TLE1: variants seen among roughly 807,000 people sequenced by gnomAD.
TLE1 encodes TLE family member 1, transcriptional corepressor.
Under a neutral mutation model 89.8 loss-of-function variants are expected in TLE1, and 21 were observed. That is an observed-to-expected ratio of 0.23 (90% CI 0.17 to 0.34). The LOEUF (loss-of-function observed/expected upper bound fraction) is 0.34. TLE1 is among the 10% of genes least tolerant of loss of function. The probability of loss-of-function intolerance (pLI) is 1.00; values close to 1 mark genes in which losing one functional copy is unlikely to be tolerated. For synonymous variants in TLE1, 447 were observed against 407.6 expected (o/e 1.10, Z -1.16); for missense variants, 795 against 1,031.2 (o/e 0.77, Z 3.14).
chr9:81,640,119 G>A (rs766655166), intron 6 of TLE1, among the ~76,000 whole-genome samples: 10 of 152,024 alleles, frequency 6.6e-5, no homozygotes, highest in Non-Finnish European at 1.3e-4. Flanking sequence ...CAATGCACAG[G>A]ACAGCCCTCA....
Position 81,688,448 on chromosome 9 carries a change from C to T in TLE1, c.-208G>A. The T allele has an allele frequency of 8.1e-6, 4 of 496,534 alleles. No homozygotes were observed. The highest frequency in any genetic ancestry group is 1.0e-5 in the Non-Finnish European group (3 of 291,196). The allele number at this position is 496,534 out of a possible 1,614,324, so 30.8% of individuals were successfully genotyped here. ...GCTCCCGTCGGTGCGGGCTCCGGCC[C>T]TCAGGGCCACATTAGTGGGCGCCCC... On this transcript the variant is annotated 5_prime_UTR_variant, in exon 1 of 20. Coordinates refer to ENST00000376499, the MANE Select transcript of TLE1 (RefSeq NM_005077.5).
intron 14 of TLE1, among the ~76,000 whole-genome samples, chr9:81,606,382 C>T (rs977881823): frequency 1.3e-5 from 2 of 152,144 alleles, no homozygotes; most frequent in Admixed American, 6.5e-5. Flanking sequence ...AAATGTCCAT[C>T]AATGATAGAC....
intron 6 of TLE1, among the ~76,000 whole-genome samples, chr9:81,634,646 A>C (rs1827147358): frequency 6.6e-6 from 1 of 152,176 alleles, no homozygotes; most frequent in Non-Finnish European, 1.5e-5. Flanking sequence ...ATCAGTAAGT[A>C]AACATGAGCT....
Position 81,634,271 on chromosome 9 carries a change from G to C in TLE1, c.403C>G (p.His135Asp). Residue 135 changes from histidine to aspartate, a missense_variant, in exon 7 of 20, where the codon CAT becomes GAT. Coordinates refer to ENST00000376499, the MANE Select transcript of TLE1 (RefSeq NM_005077.5). Reference sequence around the variant, plus strand: ...AGGGGAACTGGGGGTCCGTGGCCATGAGAAAGATGCTGAGCTTGCAACTGC... The same window carrying C: ...AGGGGAACTGGGGGTCCGTGGCCATCAGAAAGATGCTGAGCTTGCAACTGC... ...QQQLQAQHLS[H>D]GHGPPVPLTP... 6.4e-7 allele frequency: 1 copy of C among 1,552,442 alleles called. No individual in the cohort carries two copies. Among genetic ancestry groups the C allele is most frequent in the Non-Finnish European group, 8.8e-7 (1 of 1,142,706 alleles).
intron 16 of TLE1, among the ~76,000 whole-genome samples, chr9:81,590,409 T>C (rs1829315743): frequency 6.6e-6 from 1 of 152,242 alleles, no homozygotes; most frequent in Non-Finnish European, 1.5e-5. Context: ...GATTTTCTGT[T>C]ATCTTTTATC....
At chr9:81,684,655 G>C (rs574077764) in intron 4 of TLE1, among the ~76,000 whole-genome samples, 260 of 152,322 alleles carry the variant, frequency 1.7e-3, no homozygotes, top group Middle Eastern at 6.8e-3. Flanking sequence ...ACAAGGGTTT[G>C]AGATGAAATA....
chr9:81,635,172 G>T lies in TLE1; in HGVS notation c.373-871C>A, dbSNP rs935775691. Among the ~76,000 whole-genome samples, 5 of 152,154 alleles carry T rather than the reference G, an allele frequency of 3.3e-5. 1 individual carries two copies. The highest frequency in any genetic ancestry group is 3.3e-4 in the Admixed American group (5 of 15,276). ...GAGGATCTCAGGGAGCCAGGCTTGT[G>T]GCCGCTGGAAGAAACATTAGAAACG... On this transcript the variant is annotated intron_variant, in intron 6 of 19. Coordinates refer to ENST00000376499, the MANE Select transcript of TLE1 (RefSeq NM_005077.5).
chr9:81,621,743 C>A (rs575669120), intron 8 of TLE1, among the ~76,000 whole-genome samples: 1 of 152,154 alleles, frequency 6.6e-6, no homozygotes, highest in South Asian at 2.1e-4. Flanking sequence ...CAAAGCTCCC[C>A]TGAAAACCAT....
intron 14 of TLE1, among the ~76,000 whole-genome samples, chr9:81,608,684 C>T (rs1040942894): frequency 1.3e-5 from 2 of 152,114 alleles, no homozygotes; most frequent in Non-Finnish European, 1.5e-5. Context: ...CGCCTGTAAT[C>T]GCAACACTTT....
chr9:81,674,674 A>C (rs1009451148), intron 4 of TLE1, among the ~76,000 whole-genome samples: 1 of 152,242 alleles, frequency 6.6e-6, no homozygotes, highest in Admixed American at 6.5e-5. Flanking sequence ...GGGTCAGAAC[A>C]AAGAGAGGAG....
At chr9:81,676,948 C>A (rs1348029269) in intron 4 of TLE1, among the ~76,000 whole-genome samples, 3 of 152,192 alleles carry the variant, frequency 2.0e-5, no homozygotes, top group Admixed American at 6.5e-5. Flanking sequence ...ATGTAACTTA[C>A]AAATTTGGCC....
chr9:81,659,143 C>T (rs1192839379), intron 4 of TLE1, among the ~76,000 whole-genome samples: 4 of 152,060 alleles, frequency 2.6e-5, no homozygotes, highest in Admixed American at 6.6e-5. Flanking sequence ...TCCTGATCCT[C>T]GTGATCCGCC....
intron 8 of TLE1, among the ~76,000 whole-genome samples, chr9:81,624,778 A>T (rs573793235): frequency 9.5e-4 from 145 of 152,274 alleles, no homozygotes; most frequent in African/African-American, 2.6e-3. Context: ...ATTTAAAATT[A>T]AAAAAATAAA....
intron 14 of TLE1, among the ~76,000 whole-genome samples, chr9:81,598,031 A>G (rs2777776): frequency 0.44 from 66,369 of 151,834 alleles, 14,912 homozygotes; most frequent in African/African-American, 0.48. Flanking sequence ...ATAATGAAGA[A>G]CCACAGACCC....
At chr9:81,656,326 G>A (rs1426778928) in intron 4 of TLE1, among the ~76,000 whole-genome samples, 2 of 152,160 alleles carry the variant, frequency 1.3e-5, no homozygotes, top group Non-Finnish European at 2.9e-5. Context: ...GAGTAGAGAT[G>A]CCTTTGGTAG....
At chr9:81,622,791 A>G (rs920890627) in intron 8 of TLE1, among the ~76,000 whole-genome samples, 1 of 152,158 alleles carries the variant, frequency 6.6e-6, no homozygotes, top group Non-Finnish European at 1.5e-5. Context: ...ATGCCTCATC[A>G]TACCTTTGAT....
chr9:81,589,814 G>A (rs1398040074), intron 16 of TLE1, among the ~76,000 whole-genome samples: 3 of 152,146 alleles, frequency 2.0e-5, no homozygotes, highest in East Asian at 3.9e-4. Context: ...GAGGGCGTTC[G>A]GCCCTGGCTC....
chr9:81,632,034 G>T (rs13299677), intron 8 of TLE1, among the ~76,000 whole-genome samples: 23,770 of 152,036 alleles, frequency 0.16, 2,070 homozygotes, highest in Non-Finnish European at 0.2. Context: ...AGGTTGCAGT[G>T]AGCCGAGATA....
At chr9:81,656,291 ACTGT>A (rs1226228607) in intron 4 of TLE1, among the ~76,000 whole-genome samples, 1 of 152,162 alleles carries the variant, frequency 6.6e-6, no homozygotes, top group Non-Finnish European at 1.5e-5. Context: ...AGGGTTCTGC[ACTGT>A]CTATTTGAGT....
Sources: allele counts gnomAD v4.1 joint callset (sites outside exome capture counted in the v4.1 genomes callset), GRCh38; gene constraint gnomAD v4.1.1; transcripts MANE v1.5; gene names NCBI Gene and HGNC (gene_info 2026-07-23, HGNC 2026-07-21).